The following MDFIC2 variants were observed in gnomAD, a reference collection of about 807,000 sequenced individuals.
MDFIC2 encodes myoD family inhibitor domain-containing protein 2.
chr3:70,311,844 A>C (rs1032771024), intron 2 of MDFIC2, 42 bp downstream of exon 2: 2 of 397,138 alleles, frequency 5.0e-6, no homozygotes, highest in Admixed American at 4.4e-5. Flanking sequence ...AACAAAAGCA[A>C]AATTTTCACA....
chr3:70,277,661 G>C (rs924682209), intron 2 of MDFIC2, among the ~76,000 whole-genome samples: 1 of 152,102 alleles, frequency 6.6e-6, no homozygotes, highest in Non-Finnish European at 1.5e-5. Context: ...AAGTATGGTC[G>C]AGTATGGGGA....
At chr3:70,213,117 C>T (rs928043196) in intron 2 of MDFIC2, among the ~76,000 whole-genome samples, 1 of 151,970 alleles carries the variant, frequency 6.6e-6, no homozygotes, top group Non-Finnish European at 1.5e-5. Flanking sequence ...CCTTCATTCT[C>T]TCTCCCTCCT....
chr3:70,224,243 T>C (rs1701483827), intron 2 of MDFIC2, among the ~76,000 whole-genome samples: 1 of 152,180 alleles, frequency 6.6e-6, no homozygotes, highest in African/African-American at 2.4e-5. Flanking sequence ...CCAGCCAAGG[T>C]TTCTACATGC....
intron 2 of MDFIC2, among the ~76,000 whole-genome samples, chr3:70,268,941 A>C (rs1237311265): frequency 6.6e-6 from 1 of 152,148 alleles, no homozygotes. Context: ...AAGCAATTAA[A>C]ATTTAGTGCT....
At chr3:70,290,559 A>G (rs983988622) in intron 2 of MDFIC2, among the ~76,000 whole-genome samples, 11 of 152,232 alleles carry the variant, frequency 7.2e-5, no homozygotes, top group Admixed American at 2.6e-4. Context: ...AGAGGCAGGC[A>G]GGCCTCCTTG....
At chr3:70,297,714 T>A (rs184232508) in intron 2 of MDFIC2, among the ~76,000 whole-genome samples, 17 of 152,246 alleles carry the variant, frequency 1.1e-4, no homozygotes, top group African/African-American at 3.8e-4. Context: ...TATTATTATT[T>A]TTTTCCTTTT....
rs2106714804 is a variant in MDFIC2, at chr3:70,195,156, G to A, written c.*1770C>T. Among the ~76,000 whole-genome samples, 1 of 152,206 alleles carries A rather than the reference G, an allele frequency of 6.6e-6. No individual in the cohort carries two copies. The highest frequency in any genetic ancestry group is 1.5e-5 in the Non-Finnish European group (1 of 68,012). ...TCATGGGGCCTCTCTTTTCCCCTGT[G>A]AAATATAAAAAGGTTGCATAAGAAC... On this transcript the variant is annotated 3_prime_UTR_variant, in exon 4 of 4. Coordinates refer to ENST00000567252, the MANE Select transcript of MDFIC2 (RefSeq NM_001364677.1).
At chr3:70,209,644 G>T (rs1280690215) in intron 2 of MDFIC2, among the ~76,000 whole-genome samples, 1 of 152,104 alleles carries the variant, frequency 6.6e-6, no homozygotes, top group Non-Finnish European at 1.5e-5. Context: ...AGGCCTGGTA[G>T]ATTCCAAAAG....
chr3:70,197,753 T>C (rs1701196095), intron 3 of MDFIC2, among the ~76,000 whole-genome samples: 1 of 152,244 alleles, frequency 6.6e-6, no homozygotes, highest in Admixed American at 6.5e-5. Flanking sequence ...GGTTGTGTTT[T>C]ATTTTTAATC....
At chr3:70,263,707 T>A (rs1421307098) in intron 2 of MDFIC2, among the ~76,000 whole-genome samples, 1 of 152,222 alleles carries the variant, frequency 6.6e-6, no homozygotes, top group East Asian at 1.9e-4. Context: ...TCTTGGGTTC[T>A]CTGCCCTATA....
At chr3:70,230,627 A>T (rs925626742) in intron 2 of MDFIC2, among the ~76,000 whole-genome samples, 1 of 152,204 alleles carries the variant, frequency 6.6e-6, no homozygotes, top group African/African-American at 2.4e-5. Context: ...TTAATTTAAC[A>T]ACAACAAAAA....
intron 3 of MDFIC2, chr3:70,204,824 A>C (rs1364560390): frequency 6.6e-6 from 1 of 152,010 alleles, no homozygotes; most frequent in Admixed American, 6.6e-5. Flanking sequence ...TTCTGGAGGG[A>C]AAGTATGTTT....
At chr3:70,260,537 C>T (rs942541353) in intron 2 of MDFIC2, among the ~76,000 whole-genome samples, 1 of 151,934 alleles carries the variant, frequency 6.6e-6, no homozygotes, top group African/African-American at 2.4e-5. Flanking sequence ...GCTAGGAGTC[C>T]CTATCATGAG....
rs73117917 is a variant in MDFIC2, at chr3:70,227,479, C to A, written c.89-20689G>T. 6.2e-3 allele frequency among the ~76,000 whole-genome samples: 948 copies of A among 152,268 alleles called. 7 individuals carry two copies. The highest frequency in any genetic ancestry group is 0.012 in the South Asian group (58 of 4,818). On this transcript the variant is annotated intron_variant, in intron 2 of 3. Coordinates refer to ENST00000567252, the MANE Select transcript of MDFIC2 (RefSeq NM_001364677.1). Reference sequence around the variant, plus strand: ...CCACTGACTTTGGCAATATGGAGGTCATTGGAGACTTTTGCTAGAACAATT... The same window carrying A: ...CCACTGACTTTGGCAATATGGAGGTAATTGGAGACTTTTGCTAGAACAATT...
At chr3:70,310,344 T>G (rs1702442992) in intron 2 of MDFIC2, among the ~76,000 whole-genome samples, 1 of 151,726 alleles carries the variant, frequency 6.6e-6, no homozygotes, top group Non-Finnish European at 1.5e-5. Context: ...ATAAGTATAT[T>G]TTTATTATTT....
intron 2 of MDFIC2, among the ~76,000 whole-genome samples, chr3:70,306,831 CTT>C (rs1312851557): frequency 6.6e-6 from 1 of 152,144 alleles, no homozygotes; most frequent in African/African-American, 2.4e-5. Context: ...TTTCAATACT[CTT>C]AGCTTCACAT....
chr3:70,210,719 T>A (rs1045633432), intron 2 of MDFIC2, among the ~76,000 whole-genome samples: 39 of 152,166 alleles, frequency 2.6e-4, no homozygotes, highest in African/African-American at 9.1e-4. Flanking sequence ...AGAAAATAAT[T>A]TTTACCAATA....
rs1180019673 is a variant in MDFIC2 at position 70,194,970 on chromosome 3, T to C, written c.*1956A>G. On this transcript the variant is annotated 3_prime_UTR_variant, in exon 4 of 4. Coordinates refer to ENST00000567252, the MANE Select transcript of MDFIC2 (RefSeq NM_001364677.1). ...GTGCAAGGAAACAACTGTTGATGAG[T>C]CAGTCTGGTAGTGTTTTAGTATTTT... 6.6e-6 allele frequency among the ~76,000 whole-genome samples: 1 copy of C among 152,056 alleles called. No homozygotes were observed. The highest frequency in any genetic ancestry group is 1.5e-5 in the Non-Finnish European group (1 of 67,998).
intron 2 of MDFIC2, among the ~76,000 whole-genome samples, chr3:70,280,235 C>T (rs1028684069): frequency 6.6e-6 from 1 of 152,106 alleles, no homozygotes; most frequent in Non-Finnish European, 1.5e-5. Flanking sequence ...TCCTCCTCTC[C>T]CTTAAAAAGA....
Sources: allele counts gnomAD v4.1 joint callset (sites outside exome capture counted in the v4.1 genomes callset), GRCh38; gene constraint gnomAD v4.1.1; transcripts MANE v1.5; gene names NCBI Gene and HGNC (gene_info 2026-07-23, HGNC 2026-07-21).